KIAA0040: variants seen among roughly 807,000 people sequenced by gnomAD.
KIAA0040 encodes the protein KIAA0040.
A neutral mutation model predicts 7.2 loss-of-function variants in KIAA0040; 10 were observed. That is an observed-to-expected ratio of 1.38 (90% CI 0.85 to 2.34). The LOEUF is 2.34. Among genes scored for constraint, KIAA0040 ranks in the 30% most tolerant of loss-of-function variants. The pLI is 0.00. For missense variants in KIAA0040, 89 were observed against 108.2 expected (o/e 0.82, Z 0.79); for synonymous variants, 49 against 40.1 (o/e 1.22, Z -0.84).
intron 1 of KIAA0040, among the ~76,000 whole-genome samples, chr1:175,179,765 G>C (rs1385521633): frequency 6.6e-6 from 1 of 152,186 alleles, no homozygotes; most frequent in African/African-American, 2.4e-5. Flanking sequence ...GTAGAGGGGA[G>C]GGATTTCTTG....
At chr1:175,184,224 C>T (rs983217566) in intron 1 of KIAA0040, among the ~76,000 whole-genome samples, 1 of 152,166 alleles carries the variant, frequency 6.6e-6, no homozygotes, top group South Asian at 2.1e-4. Context: ...TAGCCATACG[C>T]TAGGAGTCTT....
At chr1:175,165,660 G>T (rs2101880828) in intron 3 of KIAA0040, among the ~76,000 whole-genome samples, 1 of 152,354 alleles carries the variant, frequency 6.6e-6, no homozygotes, top group African/African-American at 2.4e-5. Context: ...GAGGATTGCT[G>T]AGTTCATAGG....
chr1:175,178,522 T>C (rs747206159), intron 1 of KIAA0040, among the ~76,000 whole-genome samples: 6 of 152,270 alleles, frequency 3.9e-5, no homozygotes, highest in African/African-American at 1.2e-4. Flanking sequence ...GGATTTTTCC[T>C]GTAGTTGCAT....
At chr1:175,161,751 C>CATG (rs1295855970) in intron 3 of KIAA0040, among the ~76,000 whole-genome samples, 2 of 152,164 alleles carry the variant, frequency 1.3e-5, no homozygotes, top group Non-Finnish European at 2.9e-5. Context: ...TTCCCTGCTC[C>CATG]ATGTCTCCTC....
At chr1:175,166,151 G>C (rs373301629) in intron 3 of KIAA0040, among the ~76,000 whole-genome samples, 1 of 152,060 alleles carries the variant, frequency 6.6e-6, no homozygotes, top group African/African-American at 2.4e-5. Context: ...GATTTGTGTG[G>C]GGGGCCATTT....
At chr1:175,188,573 C>T (rs577305243) in intron 1 of KIAA0040, among the ~76,000 whole-genome samples, 48 of 152,286 alleles carry the variant, frequency 3.2e-4, no homozygotes, top group African/African-American at 1.2e-3. Flanking sequence ...TTCAACTAAT[C>T]CACTGGTCTC....
intron 1 of KIAA0040, among the ~76,000 whole-genome samples, chr1:175,188,000 G>A (rs534678910): frequency 3.9e-5 from 6 of 152,284 alleles, no homozygotes; most frequent in Middle Eastern, 3.4e-3. Flanking sequence ...ACATCCCATC[G>A]GGAGAAAGCT....
chr1:175,181,890 G>A (rs114225112), intron 1 of KIAA0040, among the ~76,000 whole-genome samples: 5,032 of 152,250 alleles, frequency 0.033, 279 homozygotes, highest in African/African-American at 0.11. Context: ...AAAGTGGCCC[G>A]TGCTCCAACT....
At position 175,168,017 on chromosome 1, in the gene KIAA0040, C is replaced by T. The variant is rs562152705; in HGVS notation, c.-309-1280G>A. 2.6e-5 allele frequency among the ~76,000 whole-genome samples: 4 copies of T among 152,218 alleles called. No individual in the cohort carries two copies. In the South Asian group the frequency reaches 8.3e-4, roughly 32 times the overall value. ...CCACCCTGCCTGTCCAAACCTTGCC[C>T]CAGCTCTCAAACCACACTGCCTTAC... On this transcript the variant is annotated intron_variant, in intron 2 of 3. Transcript: ENST00000423313.
intron 1 of KIAA0040, among the ~76,000 whole-genome samples, chr1:175,189,253 G>C (rs960908309): frequency 3.3e-5 from 5 of 152,158 alleles, no homozygotes; most frequent in Admixed American, 6.5e-5. Context: ...TTGGGACAGG[G>C]AAAAATCACA....
At chr1:175,170,019 GA>G (rs1676924006) in intron 2 of KIAA0040, among the ~76,000 whole-genome samples, 2 of 152,162 alleles carry the variant, frequency 1.3e-5, no homozygotes, top group Admixed American at 1.3e-4. Flanking sequence ...TCTCCAGGTA[GA>G]AAGTATACAT....
At position 175,158,648 on chromosome 1, in the gene KIAA0040, G is replaced by A. The variant is rs1032215103; in HGVS notation, c.*2066C>T. 6.6e-6 allele frequency: 1 copy of A among 152,270 alleles called. No homozygotes were observed. The highest frequency in any genetic ancestry group is 6.5e-5 in the Admixed American group (1 of 15,284). The allele number at this position is 152,270 out of a possible 1,614,324, so 9.4% of individuals were successfully genotyped here. ...CAGATGGCAAGTCATTCTGTTATGTGAAGGGCACAGCCAGAGGCCCCATGA... is the reference window on the plus strand; with the variant it reads ...CAGATGGCAAGTCATTCTGTTATGTAAAGGGCACAGCCAGAGGCCCCATGA... On this transcript the variant is annotated 3_prime_UTR_variant, in exon 4 of 4. Transcript: ENST00000423313.
intron 3 of KIAA0040, among the ~76,000 whole-genome samples, chr1:175,164,632 T>C (rs1168013482): frequency 3.3e-5 from 5 of 152,196 alleles, no homozygotes; most frequent in Non-Finnish European, 7.4e-5. Flanking sequence ...AGGGACTTAT[T>C]TGAGGCTGCT....
intron 1 of KIAA0040, among the ~76,000 whole-genome samples, chr1:175,186,178 T>C (rs1677652739): frequency 6.6e-6 from 1 of 152,222 alleles, no homozygotes; most frequent in Non-Finnish European, 1.5e-5. Flanking sequence ...AAATGGTTAA[T>C]TTTATGTAAC....
At chr1:175,173,398 A>C (rs78137497) in intron 2 of KIAA0040, among the ~76,000 whole-genome samples, 3,780 of 152,284 alleles carry the variant, frequency 0.025, 73 homozygotes, top group Middle Eastern at 0.061. Context: ...TGTGTGTGGA[A>C]TCAAGGGTTT....
intron 1 of KIAA0040, among the ~76,000 whole-genome samples, chr1:175,188,444 A>G (rs1425902715): frequency 1.3e-5 from 2 of 152,152 alleles, no homozygotes; most frequent in Non-Finnish European, 2.9e-5. Flanking sequence ...GAAAAAGTCT[A>G]TCATGCTACT....
chr1:175,191,526 C>T (rs2101918121), intron 1 of KIAA0040, among the ~76,000 whole-genome samples: 1 of 152,350 alleles, frequency 6.6e-6, no homozygotes, highest in South Asian at 2.1e-4. Flanking sequence ...AGGGCAGGCA[C>T]ATCAGACTAA....
rs2101873619 is a variant in KIAA0040, at chr1:175,160,999, A to G, written c.15T>C (p.Ser5=). 2 of 1,550,794 alleles carry G rather than the reference A, an allele frequency of 1.3e-6. No individual in the cohort carries two copies. Among genetic ancestry groups the G allele is most frequent in the Non-Finnish European group, 1.7e-6 (2 of 1,146,750 alleles). The part of the protein sequence containing the change: MERI[S]AFFSSIWDTI... Reference sequence around the variant, plus strand: ...TGTCCCAGATAGAGCTGAAGAAGGCACTGATTCTCTCCATGGTGCTTGGCT... The same window carrying G: ...TGTCCCAGATAGAGCTGAAGAAGGCGCTGATTCTCTCCATGGTGCTTGGCT... The change falls in exon 4 of 4, where the codon AGT becomes AGC. Residue 5 remains serine (S), a synonymous_variant. Coordinates refer to ENST00000423313, the MANE Select transcript of KIAA0040 (RefSeq NM_014656.3).
intron 2 of KIAA0040, among the ~76,000 whole-genome samples, chr1:175,170,410 A>C: frequency 6.6e-6 from 1 of 151,634 alleles, no homozygotes; most frequent in Admixed American, 6.6e-5. Context: ...TGTAACGCGC[A>C]CTCCCTGCGC....
Sources: gnomAD v4.1 joint callset for allele counts (sites outside exome capture counted in the v4.1 genomes callset) on GRCh38, gnomAD v4.1.1 for gene constraint, MANE v1.5 for transcripts, NCBI Gene and HGNC (gene_info 2026-07-23, HGNC 2026-07-21) for gene names.